NRG3: variants seen among roughly 807,000 people sequenced by gnomAD.
NRG3 encodes neuregulin 3.
NRG3 carries 31 observed loss-of-function variants against 66.9 expected under a neutral mutation model. That is an observed-to-expected ratio of 0.46 (90% CI 0.35 to 0.63). The LOEUF (loss-of-function observed/expected upper bound fraction) is 0.63. Among genes scored for constraint, NRG3 ranks in the 20% least tolerant of loss-of-function variants. The pLI, the probability that NRG3 is intolerant of heterozygous loss-of-function variation, is 0.00. For missense variants in NRG3, 910 were observed against 878.9 expected (o/e 1.04, Z -0.45); for synonymous variants, 393 against 359.4 (o/e 1.09, Z -1.06).
chr10:82,455,656 C>G (rs2091234270), intron 2 of NRG3, among the ~76,000 whole-genome samples: 1 of 151,434 alleles, frequency 6.6e-6, no homozygotes. Context: ...ACTCTGTCGC[C>G]CAGGCTGGAG....
intron 1 of NRG3, among the ~76,000 whole-genome samples, chr10:82,202,585 G>A (rs2074896533): frequency 6.6e-6 from 1 of 152,114 alleles, no homozygotes; most frequent in Admixed American, 6.5e-5. Flanking sequence ...ATATTACTTG[G>A]AAATCCTGTT....
chr10:82,170,678 A>ATATATATATATG (rs1564628967), intron 1 of NRG3, among the ~76,000 whole-genome samples: 10 of 120,772 alleles, frequency 8.3e-5, no homozygotes, highest in Admixed American at 4.0e-4. Flanking sequence ...ATATATATAT[A>ATATATATATATG]TATATATATA....
At position 82,592,625 on chromosome 10, in the gene NRG3, G is replaced by T. The variant is rs968271532; in HGVS notation, c.954-145952G>T. Among the ~76,000 whole-genome samples the T allele has an allele frequency of 2.0e-5, 3 of 152,170 alleles. No individual in the cohort carries two copies. In the East Asian group the frequency reaches 5.8e-4, roughly 29 times the overall value. On this transcript the variant is annotated intron_variant, in intron 2 of 8. Coordinates refer to ENST00000372141, the MANE Select transcript of NRG3 (RefSeq NM_001010848.4). ...TGTTTATAAGATCATTTCCCCTGCTGACAGTCATCAGCCAAGACTAGAATG... is the reference window on the plus strand; with the variant it reads ...TGTTTATAAGATCATTTCCCCTGCTTACAGTCATCAGCCAAGACTAGAATG...
chr10:82,058,098 G>C (rs984295315), intron 1 of NRG3, among the ~76,000 whole-genome samples: 1 of 151,904 alleles, frequency 6.6e-6, no homozygotes, highest in Non-Finnish European at 1.5e-5. Context: ...GGGAAATAAG[G>C]GGTGTCATGT....
At chr10:82,523,244 C>T (rs1437489998) in intron 2 of NRG3, among the ~76,000 whole-genome samples, 1 of 151,784 alleles carries the variant, frequency 6.6e-6, no homozygotes, top group East Asian at 1.9e-4. Context: ...TTTGTGCAAA[C>T]ATATGCTTTT....
At chr10:82,264,977 T>A (rs1350536573) in intron 1 of NRG3, among the ~76,000 whole-genome samples, 1 of 152,150 alleles carries the variant, frequency 6.6e-6, no homozygotes. Context: ...CTGCTACAGA[T>A]GAAGTGAAGT....
intron 1 of NRG3, among the ~76,000 whole-genome samples, chr10:81,921,275 A>G (rs547275740): frequency 1.3e-5 from 2 of 152,138 alleles, no homozygotes; most frequent in African/African-American, 4.8e-5. Flanking sequence ...ATTTATTTGT[A>G]TATTCTTGAT....
intron 3 of NRG3, among the ~76,000 whole-genome samples, chr10:82,812,192 T>G (rs2061517678): frequency 6.6e-6 from 1 of 152,154 alleles, no homozygotes; most frequent in African/African-American, 2.4e-5. Flanking sequence ...GAATCTAAGA[T>G]CCTCTATTTC....
chr10:82,561,539 G>T (rs1590675911), intron 2 of NRG3, among the ~76,000 whole-genome samples: 2 of 152,152 alleles, frequency 1.3e-5, no homozygotes, highest in South Asian at 4.1e-4. Context: ...TGTGGTCCCA[G>T]CTACTTGGGA....
intron 2 of NRG3, among the ~76,000 whole-genome samples, chr10:82,587,257 C>A (rs530662423): frequency 6.6e-6 from 1 of 152,218 alleles, no homozygotes; most frequent in Non-Finnish European, 1.5e-5. Context: ...TAAAACAACA[C>A]CACTCTCGTT....
intron 3 of NRG3, among the ~76,000 whole-genome samples, chr10:82,782,007 T>C (rs1050750958): frequency 2.0e-5 from 3 of 152,194 alleles, no homozygotes; most frequent in African/African-American, 7.2e-5. Flanking sequence ...AAGAAACCAT[T>C]GAGAAGCACT....
rs539326145 is a variant in NRG3, at chr10:82,786,443, C to G, written c.1027+47793C>G. The stretch of plus-strand genomic sequence containing the variant: ...CTGTGATTTCTCTTTTTGTGCCTCT[C>G]TCTCTCTCTTTTAAAATGGGAATGT... On this transcript the variant is annotated intron_variant, in intron 3 of 8. Transcript: ENST00000372141. Among the ~76,000 whole-genome samples, 10 of 152,240 alleles carry G rather than the reference C, an allele frequency of 6.6e-5. No individual in the cohort carries two copies. The South Asian group carries it at 1.9e-3, about 28-fold the overall frequency.
At chr10:82,033,795 C>T (rs1333896791) in intron 1 of NRG3, among the ~76,000 whole-genome samples, 1 of 152,098 alleles carries the variant, frequency 6.6e-6, no homozygotes, top group African/African-American at 2.4e-5. Context: ...AAACTCTATG[C>T]TTACCTGACT....
At chr10:82,152,935 T>C (rs374864196) in intron 1 of NRG3, among the ~76,000 whole-genome samples, 1 of 151,828 alleles carries the variant, frequency 6.6e-6, no homozygotes, top group African/African-American at 2.4e-5. Context: ...AATTAACAAA[T>C]AATAATTGCA....
chr10:82,323,187 CAT>C (rs1335281383), intron 1 of NRG3, among the ~76,000 whole-genome samples: 1 of 152,156 alleles, frequency 6.6e-6, no homozygotes, highest in East Asian at 1.9e-4. Flanking sequence ...AGATGTCCTC[CAT>C]TTAACACTGT....
At chr10:82,707,831 A>G (rs2056406212) in intron 2 of NRG3, among the ~76,000 whole-genome samples, 1 of 141,454 alleles carries the variant, frequency 7.1e-6, no homozygotes, top group Non-Finnish European at 1.5e-5. Context: ...CAACATGGTG[A>G]AACATCATCT....
At chr10:82,964,390 C>T (rs554392927) in intron 6 of NRG3, among the ~76,000 whole-genome samples, 4 of 152,298 alleles carry the variant, frequency 2.6e-5, no homozygotes, top group African/African-American at 9.6e-5. Context: ...GCAGTTAACA[C>T]ATGAAGAATC....
At chr10:82,359,672 C>G (rs1458079998) in intron 2 of NRG3, among the ~76,000 whole-genome samples, 1 of 152,094 alleles carries the variant, frequency 6.6e-6, no homozygotes, top group Non-Finnish European at 1.5e-5. Context: ...ATTTGTTTTT[C>G]TTTGCAATTG....
At chr10:82,695,752 G>A (rs1474661751) in intron 2 of NRG3, among the ~76,000 whole-genome samples, 4 of 151,978 alleles carry the variant, frequency 2.6e-5, no homozygotes, top group Admixed American at 2.0e-4. Flanking sequence ...CCATTGACAA[G>A]TTCTCTAAGG....
Sources: allele counts gnomAD v4.1 joint callset (sites outside exome capture counted in the v4.1 genomes callset), GRCh38; gene constraint gnomAD v4.1.1; transcripts MANE v1.5; gene names NCBI Gene and HGNC (gene_info 2026-07-23, HGNC 2026-07-21).